The following TRAM1L1 variants were observed in gnomAD, a reference collection of about 807,000 sequenced individuals.
The protein encoded by TRAM1L1 is translocation associated membrane protein 1 like 1, also known as translocating chain-associated membrane protein 1-like 1.
For synonymous variants in TRAM1L1, 189 were observed against 163.6 expected (o/e 1.16, Z -1.18); for missense variants, 451 against 439.9 (o/e 1.03, Z -0.23).
Position 117,084,374 on chromosome 4 carries a change from T to C in TRAM1L1, c.1020A>G (p.Arg340=), listed in dbSNP as rs758285621. The C allele has an allele frequency of 4.3e-5, 70 of 1,614,058 alleles. No homozygotes were observed. Among genetic ancestry groups the C allele is most frequent in the Non-Finnish European group, 5.7e-5 (67 of 1,180,022 alleles). The change falls in exon 1 of 1, where the codon AGA becomes AGG. Residue 340 remains arginine, a synonymous_variant. Coordinates refer to ENST00000310754, the MANE Select transcript of TRAM1L1 (RefSeq NM_152402.3). ...QASCMKKKRS[R]SSKKRTENGV... ...CGTTTTCTGTTCTTTTTTTAGAAGA[T>C]CTCGACCGTTTCTTTTTCATACATG... is the stretch of plus-strand genomic sequence containing the variant.
chr4:117,085,477 C>A lies in TRAM1L1; in HGVS notation c.-84G>T. 1 of 1,516,012 alleles carries A rather than the reference C, an allele frequency of 6.6e-7. No homozygotes were observed. The highest frequency in any genetic ancestry group is 2.3e-5 in the East Asian group (1 of 43,770). The allele number at this position is 1,516,012 out of a possible 1,614,324, so 93.9% of individuals were successfully genotyped here. A position where few individuals can be genotyped will look rare whatever the true frequency, so the allele number is the denominator to read the frequency against. ...CACAGCGCCGCCGCCACGGTAGCAG[C>A]TCCGGGGGCTCCACTTCCCATCCCG... On this transcript the variant is annotated 5_prime_UTR_variant, in exon 1 of 1. Coordinates refer to ENST00000310754, the MANE Select transcript of TRAM1L1 (RefSeq NM_152402.3).
rs896769814 is a variant in TRAM1L1 at position 117,083,930 on chromosome 4, G to A, written c.*354C>T. The A allele has an allele frequency of 1.4e-4, 25 of 181,980 alleles. No homozygotes were observed. Among genetic ancestry groups the A allele is most frequent in the African/African-American group, 5.4e-4 (23 of 42,346 alleles). 11.3% of individuals were successfully genotyped at this position (181,980 alleles called of 1,614,324 possible). On this transcript the variant is annotated 3_prime_UTR_variant, in exon 1 of 1. Transcript: ENST00000310754. ...GGAGAGACCATCTTGTTAGTATTAT[G>A]AAACACTGGTGGGAGTAAGAACCAG...
At position 117,084,306 on chromosome 4, in the gene TRAM1L1, T is replaced by C; in HGVS notation, c.1088A>G (p.Lys363Arg). The C allele has an allele frequency of 1.2e-6, 2 of 1,608,646 alleles. No individual in the cohort carries two copies. The highest frequency in any genetic ancestry group is 1.7e-6 in the Non-Finnish European group (2 of 1,178,436). Residue 363 changes from lysine to arginine, a missense_variant, in exon 1 of 1, where the codon AAG becomes AGG. By Grantham distance (26) the Lys-to-Arg change is conservative. Transcript: ENST00000310754. ...AGATTATGAAGATTTCTCTTTCCTC[T>C]TTGGCGGACAGTCTACTCTATTTGA... is the stretch of plus-strand genomic sequence containing the variant. ...ETSNRVDCPP[K>R]RKEKSS
chr4:117,084,735 A>C lies in TRAM1L1; in HGVS notation c.659T>G (p.Leu220Arg), dbSNP rs1345217148. Residue 220 changes from leucine (L) to arginine (R), a missense_variant, in exon 1 of 1, where the codon CTT becomes CGT. Coordinates refer to ENST00000310754, the MANE Select transcript of TRAM1L1 (RefSeq NM_152402.3). ...AAAATAATGCAGTACCAAAAGAAGA[A>C]GTCCCAAATGATTCAAGTACAAGAG... ...AYLLYLNHLG[L>R]LLLVLHYFVE... 6.2e-7 allele frequency: 1 copy of C among 1,614,222 alleles called. No individual in the cohort carries two copies. The highest frequency in any genetic ancestry group is 8.5e-7 in the Non-Finnish European group (1 of 1,180,040).
At position 117,084,556 on chromosome 4, in the gene TRAM1L1, GCGATC is replaced by G. The variant is rs760513041; in HGVS notation, c.833_837del (p.Gly278AlafsTer6). ...GTAAGGGCATCAGGATTCCGATTCT[GCGATC>G]CAGCCAGGTGAAACCCAACAGTGAG... On this transcript the variant is annotated frameshift_variant, in exon 1 of 1. Transcript: ENST00000310754. LOFTEE classifies it low-confidence loss of function (END_TRUNC). The G allele has an allele frequency of 7.4e-6, 12 of 1,614,062 alleles. No individual in the cohort carries two copies. The highest frequency in any genetic ancestry group is 1.0e-5 in the Non-Finnish European group (12 of 1,180,052).
chr4:117,084,857 A>G lies in TRAM1L1; in HGVS notation c.537T>C (p.Ala179=), dbSNP rs1243460309. ...TTTTCTGGAAGTAGAGTTCAGGAAAAGCATGAAACCAGTAAGCCAACTGGG... is the reference window on the plus strand; with the variant it reads ...TTTTCTGGAAGTAGAGTTCAGGAAAGGCATGAAACCAGTAAGCCAACTGGG... ...YISQLAYWFH[A]FPELYFQKTK... is the part of the protein sequence containing the mutation. Residue 179 remains alanine (A), a synonymous_variant, in exon 1 of 1, where the codon GCT becomes GCC. Transcript: ENST00000310754. The G allele has an allele frequency of 3.7e-6, 6 of 1,614,040 alleles. No homozygotes were observed. Among genetic ancestry groups the G allele is most frequent in the Non-Finnish European group, 5.1e-6 (6 of 1,180,032 alleles).
Position 117,085,228 on chromosome 4 carries a change from T to C in TRAM1L1, c.166A>G (p.Ser56Gly), listed in dbSNP as rs751284806. ...ASIVFLTLQH[S>G]VAVPAAEEQA... The stretch of plus-strand genomic sequence containing the variant: ...TCCTCTGCTGCAGGGACAGCAACAC[T>C]GTGCTGAAGAGTGAGAAACACGATG... Residue 56 changes from serine (S) to glycine (G), a missense_variant, in exon 1 of 1, where the codon AGT (serine) becomes GGT (glycine). By Grantham distance (56) the Ser-to-Gly change is moderately conservative. Transcript: ENST00000310754. The C allele has an allele frequency of 1.2e-6, 2 of 1,614,120 alleles. No individual in the cohort carries two copies. The highest frequency in any genetic ancestry group is 1.7e-6 in the Non-Finnish European group (2 of 1,180,030).
chr4:117,084,178 A>G lies in TRAM1L1; in HGVS notation c.*106T>C. On this transcript the variant is annotated 3_prime_UTR_variant, in exon 1 of 1. Transcript: ENST00000310754. ...ATACATGAAACAGTTCAATAACAAAAACCGAAGAGCACGAACTATTTTCAA... is the reference window on the plus strand; with the variant it reads ...ATACATGAAACAGTTCAATAACAAAGACCGAAGAGCACGAACTATTTTCAA... 1 of 1,189,724 alleles carries G rather than the reference A, an allele frequency of 8.4e-7. No homozygotes were observed. Among genetic ancestry groups the G allele is most frequent in the Non-Finnish European group, 1.2e-6 (1 of 856,928 alleles). The allele number at this position is 1,189,724 out of a possible 1,614,324, so 73.7% of individuals were successfully genotyped here.
Position 117,085,237 on chromosome 4 carries a change from G to T in TRAM1L1, c.157C>A (p.Leu53Ile). Residue 53 changes from leucine to isoleucine, a missense_variant, in exon 1 of 1, where the codon CTT becomes ATT. Leu to Ile is a conservative substitution (Grantham distance 5). Transcript: ENST00000310754. ...TAEASIVFLT[L>I]QHSVAVPAAE... ...GCAGGGACAGCAACACTGTGCTGAA[G>T]AGTGAGAAACACGATGGATGCTTCT... 1 of 1,614,136 alleles carries T rather than the reference G, an allele frequency of 6.2e-7. No individual in the cohort carries two copies. Among genetic ancestry groups the T allele is most frequent in the Non-Finnish European group, 8.5e-7 (1 of 1,180,036 alleles).
chr4:117,084,568 G>C lies in TRAM1L1; in HGVS notation c.826C>G (p.Leu276Val), dbSNP rs527665848. 1.2e-6 allele frequency: 2 copies of C among 1,614,066 alleles called. No individual in the cohort carries two copies. Among genetic ancestry groups the C allele is most frequent in the Admixed American group, 1.7e-5 (1 of 60,004 alleles). Residue 276 changes from leucine to valine, a missense_variant, in exon 1 of 1, where the codon CTG becomes GTG. Physicochemically the swap from Leu to Val is conservative, Grantham distance 32 (BLOSUM62 1). Transcript: ENST00000310754. The part of the protein sequence containing the change: ...IVSVLTVGFH[L>V]AGSQNRNPDA... The stretch of plus-strand genomic sequence containing the variant: ...GGATTCCGATTCTGCGATCCAGCCA[G>C]GTGAAACCCAACAGTGAGTACGGAA...
Position 117,084,384 on chromosome 4 carries a change from T to TTC in TRAM1L1, c.1008_1009dup (p.Lys337ArgfsTer23), listed in dbSNP as rs772059348. ...TCTTTTTTTAGAAGATCTCGACCGT[T>TTC]TCTTTTTCATACATGAGGCCTGAAT... On this transcript the variant is annotated frameshift_variant, in exon 1 of 1. Coordinates refer to ENST00000310754, the MANE Select transcript of TRAM1L1 (RefSeq NM_152402.3). LOFTEE classifies it low-confidence loss of function (END_TRUNC). 1.1e-5 allele frequency: 18 copies of TTC among 1,614,174 alleles called. No individual in the cohort carries two copies. The highest frequency in any genetic ancestry group is 1.5e-5 in the Non-Finnish European group (18 of 1,180,046).
chr4:117,085,142 G>T lies in TRAM1L1; in HGVS notation c.252C>A (p.Phe84Leu). 1 of 1,614,086 alleles carries T rather than the reference G, an allele frequency of 6.2e-7. No homozygotes were observed. The highest frequency in any genetic ancestry group is 1.1e-5 in the South Asian group (1 of 91,074). Reference sequence around the variant, plus strand: ...TAATGATTGCCACCAGCATGTAGAAGAAAACCGTGGCCAAATCTTTGACAC... The same window carrying T: ...TAATGATTGCCACCAGCATGTAGAATAAAACCGTGGCCAAATCTTTGACAC... The part of the protein sequence containing the change: ...YYGVKDLATV[F>L]FYMLVAIIIH... The change falls in exon 1 of 1, where the codon TTC (phenylalanine) becomes TTA (leucine). Residue 84 changes from phenylalanine (F) to leucine (L), a missense_variant. By Grantham distance (22) the Phe-to-Leu change is conservative. Transcript: ENST00000310754.
Position 117,084,336 on chromosome 4 carries a change from T to C in TRAM1L1, c.1058A>G (p.Glu353Gly). The change falls in exon 1 of 1, where the codon GAA (glutamate) becomes GGA (glycine). Residue 353 changes from glutamate (E) to glycine (G), a missense_variant. Physicochemically the swap from Glu to Gly is moderately conservative, Grantham distance 98 (BLOSUM62 -2). Coordinates refer to ENST00000310754, the MANE Select transcript of TRAM1L1 (RefSeq NM_152402.3). ...KKRTENGVGV[E>G]TSNRVDCPPK... ...CGGACAGTCTACTCTATTTGAAGTT[T>C]CCACTCCCACTCCGTTTTCTGTTCT... 6.2e-7 allele frequency: 1 copy of C among 1,614,080 alleles called. No homozygotes were observed. Among genetic ancestry groups the C allele is most frequent in the Non-Finnish European group, 8.5e-7 (1 of 1,179,998 alleles).
Position 117,084,215 on chromosome 4 carries a change from T to C in TRAM1L1, c.*69A>G, listed in dbSNP as rs1578458308. ...CGAACTATTTTCAAAAACAGAAAAATCTCTAGTGCAGAAAGAAACCTCAAA... is the reference window on the plus strand; with the variant it reads ...CGAACTATTTTCAAAAACAGAAAAACCTCTAGTGCAGAAAGAAACCTCAAA... On this transcript the variant is annotated 3_prime_UTR_variant, in exon 1 of 1. Coordinates refer to ENST00000310754, the MANE Select transcript of TRAM1L1 (RefSeq NM_152402.3). The C allele has an allele frequency of 5.5e-6, 8 of 1,450,024 alleles. No individual in the cohort carries two copies. The East Asian group carries it at 1.9e-4, about 34-fold the overall frequency. 89.8% of individuals were successfully genotyped at this position (1,450,024 alleles called of 1,614,324 possible).
At position 117,085,360 on chromosome 4, in the gene TRAM1L1, G is replaced by A; in HGVS notation, c.34C>T (p.Pro12Ser). Reference sequence around the variant, plus strand: ...AGGATGAATTCCTGGCTGAGAACGGGGGGGTTCTTGGTGCTCTTCTTACGG... The same window carrying A: ...AGGATGAATTCCTGGCTGAGAACGGAGGGGTTCTTGGTGCTCTTCTTACGG... Reference protein sequence around the residue: ...GLRKKSTKNPPVLSQEFILQN... With the variant: ...GLRKKSTKNPSVLSQEFILQN... Residue 12 changes from proline (P) to serine (S), a missense_variant, in exon 1 of 1, where the codon CCC becomes TCC. Physicochemically the swap from Pro to Ser is moderately conservative, Grantham distance 74. Transcript: ENST00000310754. The A allele has an allele frequency of 3.7e-6, 6 of 1,613,530 alleles. No individual in the cohort carries two copies. Among genetic ancestry groups the A allele is most frequent in the Non-Finnish European group, 5.1e-6 (6 of 1,179,654 alleles).
At position 117,085,442 on chromosome 4, in the gene TRAM1L1, G is replaced by T; in HGVS notation, c.-49C>A. On this transcript the variant is annotated 5_prime_UTR_variant, in exon 1 of 1. Transcript: ENST00000310754. ...CGGCGAGCCGCAGCTGCCTCCCCCT[G>T]GCTGCTCCTCACAGCGCCGCCGCCA... The T allele has an allele frequency of 1.9e-6, 3 of 1,569,070 alleles. No homozygotes were observed. Among genetic ancestry groups the T allele is most frequent in the Non-Finnish European group, 2.6e-6 (3 of 1,154,468 alleles).
chr4:117,084,942 A>C lies in TRAM1L1; in HGVS notation c.452T>G (p.Leu151Arg). 6.2e-7 allele frequency: 1 copy of C among 1,614,198 alleles called. No homozygotes were observed. Among genetic ancestry groups the C allele is most frequent in the Non-Finnish European group, 8.5e-7 (1 of 1,180,038 alleles). ...GCTATGGGGACGAGCCTTCCATATA[A>C]GAGTTGGGTCTGACAGGCAGTTTTC... ...ISENCLSDPT[L>R]IWKARPHSMM... Residue 151 changes from leucine to arginine, a missense_variant, in exon 1 of 1, where the codon CTT becomes CGT. By Grantham distance (102) the Leu-to-Arg change is moderately radical (BLOSUM62 -2). Transcript: ENST00000310754.
rs1352295243 is a variant in TRAM1L1, at chr4:117,084,663, T to G, written c.731A>C (p.Glu244Ala). Reference sequence around the variant, plus strand: ...CAGAGATATGCCTTTCTGGTACTTTTCATCACTAAAGTAAAACAGGCCGCA... The same window carrying G: ...CAGAGATATGCCTTTCTGGTACTTTGCATCACTAAAGTAAAACAGGCCGCA... ...HMCGLFYFSD[E>A]KYQKGISLWA... The change falls in exon 1 of 1, where the codon GAA becomes GCA. Residue 244 changes from glutamate (E) to alanine (A), a missense_variant. By Grantham distance (107) the Glu-to-Ala change is moderately radical. Coordinates refer to ENST00000310754, the MANE Select transcript of TRAM1L1 (RefSeq NM_152402.3). 3 of 1,614,140 alleles carry G rather than the reference T, an allele frequency of 1.9e-6. No individual in the cohort carries two copies. Among genetic ancestry groups the G allele is most frequent in the Non-Finnish European group, 1.7e-6 (2 of 1,180,050 alleles).
rs903982736 is a variant in TRAM1L1 at position 117,084,317 on chromosome 4, G to A, written c.1077C>T (p.Asp359=). Reference sequence around the variant, plus strand: ...ATTTCTCTTTCCTCTTTGGCGGACAGTCTACTCTATTTGAAGTTTCCACTC... The same window carrying A: ...ATTTCTCTTTCCTCTTTGGCGGACAATCTACTCTATTTGAAGTTTCCACTC... ...GVGVETSNRV[D]CPPKRKEKSS Residue 359 remains aspartate (D), a synonymous_variant, in exon 1 of 1, where the codon GAC becomes GAT. Coordinates refer to ENST00000310754, the MANE Select transcript of TRAM1L1 (RefSeq NM_152402.3). 5.6e-6 allele frequency: 9 copies of A among 1,613,494 alleles called. No homozygotes were observed. In the African/African-American group the frequency reaches 6.7e-5, roughly 12 times the overall value.
Sources: gnomAD v4.1 joint callset for allele counts on GRCh38, gnomAD v4.1.1 for gene constraint, MANE v1.5 for transcripts, NCBI Gene and HGNC (gene_info 2026-07-23, HGNC 2026-07-21) for gene names.